The following MLC1 variants were observed in gnomAD, a reference collection of about 807,000 sequenced individuals.
MLC1 encodes modulator of VRAC current 1, also known as membrane protein MLC1.
In MLC1, 32 loss-of-function variants were observed where a neutral mutation model predicts 44.7. The ratio of observed to expected loss-of-function variants is 0.72; its 90% CI spans 0.54 to 0.96. The LOEUF is 0.96. MLC1 is among the 40% of genes least tolerant of loss of function. The pLI, the probability that MLC1 is intolerant of heterozygous loss-of-function variation, is 0.00. For synonymous variants in MLC1, 190 were observed against 213.0 expected (o/e 0.89, Z 0.94); for missense variants, 459 against 492.2 (o/e 0.93, Z 0.64).
intron 2 of MLC1, 84 bp downstream of exon 2, chr22:50,084,642 C>T: frequency 2.0e-6 from 3 of 1,474,352 alleles, no homozygotes; most frequent in African/African-American, 1.4e-5. Flanking sequence ...CTCTGTCCCA[C>T]CTGGGGCTCC....
At chr22:50,073,518 G>T (rs991185712) in intron 8 of MLC1, among the ~76,000 whole-genome samples, 1 of 152,148 alleles carries the variant, frequency 6.6e-6, no homozygotes, top group Non-Finnish European at 1.5e-5. Flanking sequence ...ATCACTTGAG[G>T]TCAGGAGTTC....
In MLC1 at chr22:50,083,958, G is replaced by A. The variant is rs574694523; in HGVS notation, c.177+768C>T. On this transcript the variant is annotated intron_variant, in intron 2 of 11. Transcript: ENST00000311597. The surrounding 1 kb of genome is among the most constrained non-coding windows in gnomAD (Gnocchi z 4.6). The stretch of plus-strand genomic sequence containing the variant: ...CTCTGTCCCCAGCTCCGAGGCAGAC[G>A]CCTGTCTTGGTGGGGCATGCTCAGG... Among the ~76,000 whole-genome samples the A allele has an allele frequency of 1.2e-3, 189 of 152,248 alleles. No homozygotes were observed. The highest frequency in any genetic ancestry group is 3.4e-3 in the Middle Eastern group (1 of 294).
chr22:50,085,269 A>T (rs1330378709), intron 1 of MLC1, 86 bp downstream of exon 1: 2 of 1,122,612 alleles, frequency 1.8e-6, no homozygotes, highest in African/African-American at 3.2e-5. Flanking sequence ...CCGGGGACTC[A>T]AGCACGTTAA....
Position 50,080,410 on chromosome 22 carries a change from C to T in MLC1, c.268-13G>A, listed in dbSNP as rs746157375. ...CCGAGGGGATGCACTGGAATGAAAC[C>T]GGAATCCCATGAGCCTGCCGCTCAC... On this transcript the variant is annotated splice_polypyrimidine_tract_variant and intron_variant, in intron 3 of 11. Transcript: ENST00000311597. The T allele has an allele frequency of 5.0e-6, 8 of 1,598,638 alleles. No individual in the cohort carries two copies. The highest frequency in any genetic ancestry group is 1.1e-5 in the South Asian group (1 of 88,320).
chr22:50,067,227 G>A (rs1185871677), intron 10 of MLC1, among the ~76,000 whole-genome samples: 1 of 152,084 alleles, frequency 6.6e-6, no homozygotes, highest in Non-Finnish European at 1.5e-5. Flanking sequence ...GCTCACTCCT[G>A]TAATCCCAGC....
intron 3 of MLC1, among the ~76,000 whole-genome samples, chr22:50,081,009 A>AAGAAAGAAAGAAAGAAAGAAAG (rs1555967989): frequency 1.0e-5 from 1 of 96,740 alleles, no homozygotes; most frequent in African/African-American, 4.5e-5. Context: ...TTGTCTCAAA[A>AAGAAAGAAAGAAAGAAAGAAAG]AAAGAAAGAA....
At chr22:50,066,646 T>G in intron 10 of MLC1, among the ~76,000 whole-genome samples, 1 of 147,764 alleles carries the variant, frequency 6.8e-6, no homozygotes. Context: ...GGAGACAGAG[T>G]GAGACTCTAT....
At chr22:50,081,055 A>AAGAAAGAAAGAAAGAT (rs1569250951) in intron 3 of MLC1, among the ~76,000 whole-genome samples, 1 of 151,696 alleles carries the variant, frequency 6.6e-6, no homozygotes, top group African/African-American at 2.4e-5. Context: ...GAAAGAAAGA[A>AAGAAAGAAAGAAAGAT]AGAGGAGGTC....
chr22:50,070,568 T>G lies in MLC1; in HGVS notation c.730A>C (p.Ile244Leu), dbSNP rs1218490866. Residue 244 changes from isoleucine (I) to leucine (L), a missense_variant, in exon 9 of 12, where the codon ATT (isoleucine) becomes CTT (leucine). Transcript: ENST00000311597. Reference sequence around the variant, plus strand: ...CACTCTGCTGCCACATGACTGGCAATGGCACTTGGAAAGCACTAAGAGAAA... The same window carrying G: ...CACTCTGCTGCCACATGACTGGCAAGGGCACTTGGAAAGCACTAAGAGAAA... ...WILVACFPSA[I>L]ASHVAAECPS... The G allele has an allele frequency of 6.4e-7, 1 of 1,564,912 alleles. No individual in the cohort carries two copies. Among genetic ancestry groups the G allele is most frequent in the Non-Finnish European group, 8.7e-7 (1 of 1,153,872 alleles).
At position 50,085,135 on chromosome 22, in the gene MLC1, G is replaced by A. The variant is rs942056440; in HGVS notation, c.-59-174C>T. 7 of 1,404,898 alleles carry A rather than the reference G, an allele frequency of 5.0e-6. 1 individual carries two copies. Among genetic ancestry groups the A allele is most frequent in the South Asian group, 4.5e-5 (3 of 66,408 alleles). The allele number at this position is 1,404,898 out of a possible 1,614,324, so 87.0% of individuals were successfully genotyped here. A position where few individuals can be genotyped will look rare whatever the true frequency, so the allele number is the denominator to read the frequency against. On this transcript the variant is annotated intron_variant, in intron 1 of 11. Coordinates refer to ENST00000311597, the MANE Select transcript of MLC1 (RefSeq NM_015166.4). Reference sequence around the variant, plus strand: ...AAAGAAATAACTTTCCTAGAAAAACGGACCTGAATAGTCTGGGTTCAGGGT... The same window carrying A: ...AAAGAAATAACTTTCCTAGAAAAACAGACCTGAATAGTCTGGGTTCAGGGT...
chr22:50,068,528 G>A lies in MLC1; in HGVS notation c.799C>T (p.Leu267Phe). Reference protein sequence around the residue: ...LVEVLIAISSLTSPLLFTASG... With the variant: ...LVEVLIAISSFTSPLLFTASG... Reference sequence around the variant, plus strand: ...GCTGTGAACAGCAGCGGAGACGTGAGGCTGCTTATGGCAATCAGGACCTCC... The same window carrying A: ...GCTGTGAACAGCAGCGGAGACGTGAAGCTGCTTATGGCAATCAGGACCTCC... The change falls in exon 10 of 12, where the codon CTC (leucine) becomes TTC (phenylalanine). Residue 267 changes from leucine (L) to phenylalanine (F), a missense_variant. By Grantham distance (22) the Leu-to-Phe change is conservative. Transcript: ENST00000311597. 1 of 1,613,678 alleles carries A rather than the reference G, an allele frequency of 6.2e-7. No individual in the cohort carries two copies. The highest frequency in any genetic ancestry group is 1.1e-5 in the South Asian group (1 of 91,076).
chr22:50,083,205 A>G lies in MLC1; in HGVS notation c.178-32T>C. The G allele has an allele frequency of 6.3e-7, 1 of 1,587,374 alleles. No homozygotes were observed. The highest frequency in any genetic ancestry group is 8.6e-7 in the Non-Finnish European group (1 of 1,156,152). ...GACAGCGACAGAATCCCAGGTTACA[A>G]CGCGCCCCGTCCCCAGGCTGGACCC... On this transcript the variant is annotated intron_variant, in intron 2 of 11. Transcript: ENST00000311597. This position sits in a 1 kb window ranked among gnomAD's most constrained non-coding sequence, Gnocchi z 4.6.
At chr22:50,084,357 G>A (rs1211363178) in intron 2 of MLC1, among the ~76,000 whole-genome samples, 3 of 152,096 alleles carry the variant, frequency 2.0e-5, no homozygotes, top group East Asian at 1.9e-4. Context: ...TGTGAGGGCC[G>A]ACCTGAAGGC....
chr22:50,080,045 T>C (rs746616041), intron 4 of MLC1, 26 bp from the exon 5 acceptor site: 2 of 1,545,846 alleles, frequency 1.3e-6, no homozygotes, highest in Non-Finnish European at 1.8e-6. Context: ...GGAGGGGTTT[T>C]CCTTCTTTGA....
rs1453034183 is a variant in MLC1 at position 50,074,549 on chromosome 22, T to G, written c.598-217A>C. ...TTTTCACGTCCCTCCTGGAGTAAAA[T>G]AGCCAAAGAGGTGTTTCCCCCACTG... is the stretch of plus-strand genomic sequence containing the variant. On this transcript the variant is annotated intron_variant, in intron 7 of 11. Coordinates refer to ENST00000311597, the MANE Select transcript of MLC1 (RefSeq NM_015166.4). The G allele has an allele frequency of 3.1e-5, 18 of 583,532 alleles. No individual in the cohort carries two copies. The East Asian group carries it at 4.4e-4, about 14-fold the overall frequency. 36.1% of individuals were successfully genotyped at this position (583,532 alleles called of 1,614,324 possible). A position where few individuals can be genotyped will look rare whatever the true frequency, so the allele number is the denominator to read the frequency against.
intron 3 of MLC1, 56 bp from the exon 4 acceptor site, chr22:50,080,453 T>G (rs1469867705): frequency 6.6e-7 from 1 of 1,512,052 alleles, no homozygotes; most frequent in East Asian, 2.4e-5. Flanking sequence ...ACTGAGACTC[T>G]GAAATACTCT....
intron 3 of MLC1, 87 bp from the exon 4 acceptor site, chr22:50,080,484 G>C: frequency 7.3e-7 from 1 of 1,375,138 alleles, no homozygotes. Flanking sequence ...CTTCCAGAAG[G>C]ATCTGAATCA....
At position 50,074,202 on chromosome 22, in the gene MLC1, G is replaced by A. The variant is rs549208700; in HGVS notation, c.714+14C>T. 241 of 1,603,864 alleles carry A rather than the reference G, an allele frequency of 1.5e-4. 1 individual carries two copies. The highest frequency in any genetic ancestry group is 6.8e-6 in the Non-Finnish European group (8 of 1,172,782). The stretch of plus-strand genomic sequence containing the variant: ...GCCCAGAGCGGCGGCGGGCGGGCCA[G>A]AGGGGTTACTCACGGCCACTAGGAT... On this transcript the variant is annotated intron_variant, in intron 8 of 11. Transcript: ENST00000311597.
chr22:50,069,005 G>A (rs903123584), intron 9 of MLC1, among the ~76,000 whole-genome samples: 4 of 151,760 alleles, frequency 2.6e-5, no homozygotes, highest in Non-Finnish European at 4.4e-5. Flanking sequence ...GTGATTACAG[G>A]CATGAGCCAC....
Sources: gnomAD v4.1 joint callset for allele counts (sites outside exome capture counted in the v4.1 genomes callset) on GRCh38, gnomAD v4.1.1 for gene constraint, Gnocchi (gnomAD v3.1) non-coding constraint, MANE v1.5 for transcripts, NCBI Gene and HGNC (gene_info 2026-07-23, HGNC 2026-07-21) for gene names.